ASCL3: variants seen among roughly 807,000 people sequenced by gnomAD.
The protein encoded by ASCL3 is achaete-scute family bHLH transcription factor 3, also known as achaete-scute homolog 3.
ASCL3 carries 1 observed loss-of-function variant against 2.3 expected under a neutral mutation model. The ratio of observed to expected loss-of-function variants is 0.44; its 90% confidence interval spans 0.16 to 2.10. ASCL3 has a LOEUF of 2.10. Among genes scored for constraint, ASCL3 ranks in the 30% most tolerant of loss-of-function variants. The pLI is 0.28. For synonymous variants in ASCL3, 98 were observed against 88.5 expected, an observed-to-expected ratio of 1.11 and a Z score of -0.60; for missense variants, 243 against 229.0, an observed-to-expected ratio of 1.06 and a Z score of -0.40.
rs370622892 is a variant in ASCL3, at chr11:8,937,872, T to C, written c.290A>G (p.Lys97Arg). The C allele has an allele frequency of 2.6e-5, 42 of 1,613,986 alleles. No individual in the cohort carries two copies. Among genetic ancestry groups the C allele is most frequent in the Non-Finnish European group, 3.5e-5 (41 of 1,180,016 alleles). ...EYSYGPAFTR[K>R]RNERERQRVK... is the part of the protein sequence containing the mutation. ...CCGCTGCCTTTCCCGCTCATTCCTT[T>C]TCCGGGTGAAGGCTGGCCCGTAGGA... The change falls in exon 2 of 2, where the codon AAA (lysine) becomes AGA (arginine). Residue 97 changes from lysine (K) to arginine (R), a missense_variant. Transcript: ENST00000531618.
intron 1 of ASCL3, among the ~76,000 whole-genome samples, chr11:8,941,649 G>A (rs1465250252): frequency 2.0e-5 from 3 of 152,110 alleles, no homozygotes; most frequent in Non-Finnish European, 4.4e-5. Context: ...CGACGGGGTG[G>A]TGGGATGAGA....
chr11:8,941,342 T>TACACACAC (rs34828031), intron 1 of ASCL3, among the ~76,000 whole-genome samples: 193 of 146,614 alleles, frequency 1.3e-3, no homozygotes, highest in African/African-American at 4.0e-3. Context: ...CACACACACA[T>TACACACAC]ACACACACAC....
At chr11:8,940,073 GT>G (rs969783769) in intron 1 of ASCL3, among the ~76,000 whole-genome samples, 1 of 151,932 alleles carries the variant, frequency 6.6e-6, no homozygotes, top group Admixed American at 6.6e-5. Context: ...AAACTGCTGG[GT>G]TCAAGTGATC....
In ASCL3 at chr11:8,937,797, T is replaced by A; in HGVS notation, c.365A>T (p.Glu122Val). The A allele has an allele frequency of 6.2e-7, 1 of 1,614,104 alleles. No individual in the cohort carries two copies. Among genetic ancestry groups the A allele is most frequent in the Non-Finnish European group, 8.5e-7 (1 of 1,179,998 alleles). ...GYAQLRHHLP[E>V]EYLEKRLSKV... Reference sequence around the variant, plus strand: ...GCTGAGTCGCTTCTCCAAATACTCCTCTGGCAGATGATGGCGGAGCTGGGC... The same window carrying A: ...GCTGAGTCGCTTCTCCAAATACTCCACTGGCAGATGATGGCGGAGCTGGGC... The change falls in exon 2 of 2, where the codon GAG becomes GTG. Residue 122 changes from glutamate to valine, a missense_variant. By Grantham distance (121) the Glu-to-Val change is moderately radical. Coordinates refer to ENST00000531618, the MANE Select transcript of ASCL3 (RefSeq NM_020646.3).
rs181379245 is a variant in ASCL3, at chr11:8,937,892, G to T, written c.270C>A (p.Tyr90Ter). Residue 90 changes from tyrosine to a stop codon, truncating the protein, a stop_gained, in exon 2 of 2, where the codon TAC becomes TAA. Coordinates refer to ENST00000531618, the MANE Select transcript of ASCL3 (RefSeq NM_020646.3). LOFTEE classifies it high-confidence loss of function. ...YPNYRGCEYSYGPAFTRKRNE... is the reference protein window; with the variant it reads ...YPNYRGCEYS ...TCCTTTTCCGGGTGAAGGCTGGCCC[G>T]TAGGAGTACTCGCACCCTCTGTAAT... The T allele has an allele frequency of 6.2e-7, 1 of 1,614,104 alleles. No individual in the cohort carries two copies. The highest frequency in any genetic ancestry group is 8.5e-7 in the Non-Finnish European group (1 of 1,180,014).
intron 1 of ASCL3, among the ~76,000 whole-genome samples, chr11:8,940,641 G>C (rs1853678572): frequency 6.6e-6 from 1 of 152,158 alleles, no homozygotes; most frequent in Non-Finnish European, 1.5e-5. Flanking sequence ...CTGCAGGGTG[G>C]TTGTGAGGAT....
At position 8,937,600 on chromosome 11, in the gene ASCL3, A is replaced by G. The variant is rs763532851; in HGVS notation, c.*16T>C. ...CCATTTTGTGATATTATTCATTTCT[A>G]TTTGGAAACAGCAACTCAAACAATT... is the stretch of plus-strand genomic sequence containing the variant. On this transcript the variant is annotated 3_prime_UTR_variant, in exon 2 of 2. Coordinates refer to ENST00000531618, the MANE Select transcript of ASCL3 (RefSeq NM_020646.3). The G allele has an allele frequency of 1.9e-6, 3 of 1,592,452 alleles. No homozygotes were observed. The highest frequency in any genetic ancestry group is 1.1e-5 in the South Asian group (1 of 88,284).
chr11:8,938,075 G>A lies in ASCL3; in HGVS notation c.87C>T (p.Phe29=). The A allele has an allele frequency of 2.5e-6, 4 of 1,614,060 alleles. No homozygotes were observed. Among genetic ancestry groups the A allele is most frequent in the Non-Finnish European group, 3.4e-6 (4 of 1,179,960 alleles). ...GGAAAGTGACCATGGGCTCCAGATA[G>A]AAGGACCTGGTCAGTGGCAAGCGGG... ...DSARLPLTRS[F]YLEPMVTFHV... The change falls in exon 2 of 2, where the codon TTC becomes TTT. Residue 29 remains phenylalanine (F), a synonymous_variant. Transcript: ENST00000531618.
chr11:8,940,582 CCT>C (rs1175815448), intron 1 of ASCL3, among the ~76,000 whole-genome samples: 1 of 152,086 alleles, frequency 6.6e-6, no homozygotes, highest in Non-Finnish European at 1.5e-5. Context: ...AGTGTCTTAA[CCT>C]CTCTGAGCTT....
intron 1 of ASCL3, among the ~76,000 whole-genome samples, chr11:8,940,789 T>G (rs1157031380): frequency 6.6e-6 from 1 of 152,196 alleles, no homozygotes; most frequent in East Asian, 1.9e-4. Context: ...CATTTTTTCT[T>G]GGCATTATCC....
At chr11:8,940,058 A>G (rs547531028) in intron 1 of ASCL3, among the ~76,000 whole-genome samples, 2 of 151,944 alleles carry the variant, frequency 1.3e-5, no homozygotes, top group African/African-American at 4.8e-5. Context: ...GCTTACTGCA[A>G]TCTCAAACTG....
At position 8,937,624 on chromosome 11, in the gene ASCL3, T is replaced by A. The variant is rs2064685321; in HGVS notation, c.538A>T (p.Ile180Phe). Residue 180 changes from isoleucine to phenylalanine, a missense_variant, in exon 2 of 2, where the codon ATT becomes TTT. Coordinates refer to ENST00000531618, the MANE Select transcript of ASCL3 (RefSeq NM_020646.3). The part of the protein sequence containing the change: ...TSHHADPMFR[I>F]V ...TATTTGGAAACAGCAACTCAAACAA[T>A]TCTGAACATAGGGTCAGCATGGTGG... is the stretch of plus-strand genomic sequence containing the variant. The A allele has an allele frequency of 6.2e-7, 1 of 1,610,346 alleles. No homozygotes were observed.
At chr11:8,941,018 T>C (rs1414599744) in intron 1 of ASCL3, among the ~76,000 whole-genome samples, 1 of 152,140 alleles carries the variant, frequency 6.6e-6, no homozygotes, top group Non-Finnish European at 1.5e-5. Context: ...ACCGTGCCTA[T>C]AATGCACCCA....
At position 8,937,874 on chromosome 11, in the gene ASCL3, C is replaced by G. The variant is rs534209643; in HGVS notation, c.288G>C (p.Arg96=). 2 of 1,614,012 alleles carry G rather than the reference C, an allele frequency of 1.2e-6. No homozygotes were observed. Among genetic ancestry groups the G allele is most frequent in the Non-Finnish European group, 1.7e-6 (2 of 1,180,028 alleles). Residue 96 remains arginine, a synonymous_variant, in exon 2 of 2, where the codon CGG becomes CGC. Transcript: ENST00000531618. The stretch of plus-strand genomic sequence containing the variant: ...GCTGCCTTTCCCGCTCATTCCTTTT[C>G]CGGGTGAAGGCTGGCCCGTAGGAGT... The part of the protein sequence containing the change: ...CEYSYGPAFT[R]KRNERERQRV...
At chr11:8,940,507 C>G (rs1214498967) in intron 1 of ASCL3, among the ~76,000 whole-genome samples, 8 of 152,116 alleles carry the variant, frequency 5.3e-5, no homozygotes. Context: ...AGCTTTTTCT[C>G]TCAGTCATAA....
chr11:8,938,209 TAGAG>T (rs780216483), intron 1 of ASCL3, 36 bp from the exon 2 acceptor site: 3 of 1,471,666 alleles, frequency 2.0e-6, no homozygotes, highest in Non-Finnish European at 2.8e-6. Flanking sequence ...TGTGGTCAGA[TAGAG>T]AGCAGATATG....
At chr11:8,938,476 C>T (rs2064691482) in intron 1 of ASCL3, among the ~76,000 whole-genome samples, 1 of 151,970 alleles carries the variant, frequency 6.6e-6, no homozygotes, top group Non-Finnish European at 1.5e-5. Flanking sequence ...GTCTCGATCT[C>T]TTGACCTTGT....
chr11:8,942,772 G>A (rs3763912), intron 1 of ASCL3, among the ~76,000 whole-genome samples: 82,412 of 151,890 alleles, frequency 0.54, 23,822 homozygotes, highest in East Asian at 0.69. Flanking sequence ...CTAGTGTCCC[G>A]ACTTCCAAAT....
intron 1 of ASCL3, among the ~76,000 whole-genome samples, chr11:8,940,141 CT>C (rs11298380): frequency 0.33 from 47,170 of 140,922 alleles, 7,705 homozygotes; most frequent in South Asian, 0.46. Flanking sequence ...CCATGCCTGG[CT>C]TTTTTTTTTT....
Sources: gnomAD v4.1 joint callset for allele counts (sites outside exome capture counted in the v4.1 genomes callset) on GRCh38, gnomAD v4.1.1 for gene constraint, MANE v1.5 for transcripts, NCBI Gene and HGNC (gene_info 2026-07-23, HGNC 2026-07-21) for gene names.